The following BLTP3B variants were observed in gnomAD, a reference collection of about 807,000 sequenced individuals.
BLTP3B encodes the protein bridge-like lipid transfer protein family member 3B.
the BLTP3B span, among the ~76,000 whole-genome samples, chr12:100,049,847 C>T: frequency 6.6e-6 from 1 of 152,100 alleles, no homozygotes; most frequent in South Asian, 2.1e-4. Context: ...TCTACACACA[C>T]ACACATTCTC....
At chr12:100,038,253 T>C in the BLTP3B span, among the ~76,000 whole-genome samples, 1 of 152,196 alleles carries the variant, frequency 6.6e-6, no homozygotes, top group East Asian at 1.9e-4. Context: ...TGATCTTATC[T>C]CTCATGGCTC....
chr12:100,095,389 G>A, the BLTP3B span, among the ~76,000 whole-genome samples: 1 of 152,226 alleles, frequency 6.6e-6, no homozygotes, highest in Middle Eastern at 3.4e-3. Flanking sequence ...TTTTAAAACT[G>A]TACTCTTTTA....
At chr12:100,129,272 A>G in the BLTP3B span, among the ~76,000 whole-genome samples, 4 of 152,192 alleles carry the variant, frequency 2.6e-5, no homozygotes, top group African/African-American at 2.4e-5. Flanking sequence ...GGAAAACTAT[A>G]GTATTCATAG....
the BLTP3B span, chr12:100,103,896 G>C: frequency 1.3e-6 from 2 of 1,587,916 alleles, no homozygotes; most frequent in Non-Finnish European, 1.7e-6. Flanking sequence ...TATTTCTAAA[G>C]TGGTTTCAGA....
the BLTP3B span, among the ~76,000 whole-genome samples, chr12:100,127,158 G>C: frequency 6.6e-6 from 1 of 152,044 alleles, no homozygotes; most frequent in South Asian, 2.1e-4. Context: ...CGTCTCAGAG[G>C]ATTTGCTAGA....
the BLTP3B span, among the ~76,000 whole-genome samples, chr12:100,124,497 C>A: frequency 6.6e-6 from 1 of 151,914 alleles, no homozygotes; most frequent in African/African-American, 2.4e-5. Flanking sequence ...GTGATCCCAG[C>A]ACTCTGGGAG....
chr12:100,123,826 TG>T, the BLTP3B span, among the ~76,000 whole-genome samples: 1 of 151,960 alleles, frequency 6.6e-6, no homozygotes, highest in African/African-American at 2.4e-5. Context: ...ATGCGTGTAA[TG>T]AAAAAAAATC....
At chr12:100,111,382 C>T in the BLTP3B span, among the ~76,000 whole-genome samples, 3 of 150,120 alleles carry the variant, frequency 2.0e-5, no homozygotes, top group African/African-American at 7.4e-5. Context: ...CAACCACGAC[C>T]GCCTGGACTC....
At chr12:100,142,447 C>T in the BLTP3B span, 2 of 839,284 alleles carry the variant, frequency 2.4e-6, no homozygotes, top group Non-Finnish European at 3.5e-6. Flanking sequence ...TCCGGGGCCG[C>T]GACCTCTGCC....
chr12:100,142,645 G>A, the BLTP3B span: 1 of 1,607,238 alleles, frequency 6.2e-7, no homozygotes, highest in Non-Finnish European at 8.5e-7. Context: ...TGGTACCGAG[G>A]CTGGAGACGC....
the BLTP3B span, among the ~76,000 whole-genome samples, chr12:100,064,225 C>T: frequency 5.9e-5 from 9 of 151,866 alleles, no homozygotes; most frequent in Non-Finnish European, 8.8e-5. Flanking sequence ...TAACCCAATC[C>T]GACAAAGACA....
chr12:100,068,998 G>A, the BLTP3B span, among the ~76,000 whole-genome samples: 8 of 152,168 alleles, frequency 5.3e-5, no homozygotes, highest in Non-Finnish European at 7.3e-5. Flanking sequence ...AGCACTTTAG[G>A]AGGCTGACGC....
At chr12:100,102,936 C>T in the BLTP3B span, 4 of 918,378 alleles carry the variant, frequency 4.4e-6, no homozygotes, top group Non-Finnish European at 6.1e-6. Flanking sequence ...AGATTATTTT[C>T]TCTTTCATTT....
the BLTP3B span, among the ~76,000 whole-genome samples, chr12:100,076,266 T>C: frequency 6.6e-6 from 1 of 152,222 alleles, no homozygotes; most frequent in African/African-American, 2.4e-5. Flanking sequence ...TTTAGTTTAG[T>C]ATACCCAGAG....
the BLTP3B span, among the ~76,000 whole-genome samples, chr12:100,104,207 T>TTC: frequency 6.8e-6 from 1 of 147,968 alleles, no homozygotes; most frequent in African/African-American, 2.5e-5. Context: ...TTTTTTTCTT[T>TTC]TTTTTTTTTT....
chr12:100,142,874 C>A, the BLTP3B span: 18 of 350,228 alleles, frequency 5.1e-5, no homozygotes, highest in Middle Eastern at 9.0e-4. Flanking sequence ...CTAAGAGACT[C>A]GGTGGAGGGC....
the BLTP3B span, among the ~76,000 whole-genome samples, chr12:100,063,881 T>C: frequency 6.6e-6 from 1 of 152,084 alleles, no homozygotes; most frequent in Non-Finnish European, 1.5e-5. Context: ...GACAAGGTTC[T>C]TTAACACCTC....
chr12:100,039,904 G>T, the BLTP3B span: 1 of 911,162 alleles, frequency 1.1e-6, no homozygotes, highest in Non-Finnish European at 1.5e-6. Context: ...TAGTTATGAG[G>T]ATAGTAGTAT....
chr12:100,109,372 G>A, the BLTP3B span, among the ~76,000 whole-genome samples: 7 of 152,084 alleles, frequency 4.6e-5, no homozygotes, highest in African/African-American at 7.2e-5. Flanking sequence ...GACTAAGACA[G>A]ATATAGTATT....
Sources: allele counts gnomAD v4.1 joint callset (sites outside exome capture counted in the v4.1 genomes callset), GRCh38; gene constraint gnomAD v4.1.1; transcripts MANE v1.5; gene names NCBI Gene and HGNC (gene_info 2026-07-23, HGNC 2026-07-21).